EPHA6: variants seen among roughly 807,000 people sequenced by gnomAD.
The protein encoded by EPHA6 is ephrin type-A receptor 6.
A neutral mutation model predicts 112.0 loss-of-function variants in EPHA6; 50 were observed. The ratio of observed to expected loss-of-function variants is 0.45; its 90% CI spans 0.36 to 0.56. The LOEUF is 0.56. Ranked by LOEUF, EPHA6 falls within the 20% of genes least tolerant of loss-of-function variation. The probability of loss-of-function intolerance (pLI) is 0.00; values close to 1 mark genes in which losing one functional copy is unlikely to be tolerated. For missense variants in EPHA6, 1,280 were observed against 1,417.4 expected (o/e 0.90, Z 1.56); for synonymous variants, 529 against 490.7 (o/e 1.08, Z -1.03).
At position 97,754,982 on chromosome 3, in the gene EPHA6, C is replaced by T. The variant is rs1037996366; in HGVS notation, c.*6281C>T. On this transcript the variant is annotated 3_prime_UTR_variant, in exon 18 of 18. Coordinates refer to ENST00000389672, the MANE Select transcript of EPHA6 (RefSeq NM_001080448.3). ...CCTCCCAAAGTGGTGGGATTACAGG[C>T]GTGAGCCACCGCGCCCGGCCACAAA... Among the ~76,000 whole-genome samples, 1 of 152,204 alleles carries T rather than the reference C, an allele frequency of 6.6e-6. No individual in the cohort carries two copies. The highest frequency in any genetic ancestry group is 1.5e-5 in the Non-Finnish European group (1 of 68,038).
chr3:97,183,951 A>G (rs1481795117), intron 3 of EPHA6, among the ~76,000 whole-genome samples: 5 of 152,146 alleles, frequency 3.3e-5, no homozygotes, highest in Admixed American at 3.3e-4. Context: ...CTGATCTTCC[A>G]AAATAATAAT....
intron 14 of EPHA6, chr3:97,646,330 G>A (rs544688108): frequency 3.0e-5 from 44 of 1,475,676 alleles, no homozygotes; most frequent in East Asian, 1.3e-4. Context: ...TCAGAGCCCC[G>A]TTTAAAAATC....
chr3:97,323,007 G>A (rs1264447378), intron 5 of EPHA6, among the ~76,000 whole-genome samples: 1 of 152,030 alleles, frequency 6.6e-6, no homozygotes, highest in East Asian at 1.9e-4. Flanking sequence ...AGTTATTCAG[G>A]TGGATGACAA....
At chr3:97,568,239 A>C (rs189522505) in intron 11 of EPHA6, among the ~76,000 whole-genome samples, 92 of 152,338 alleles carry the variant, frequency 6.0e-4, no homozygotes, top group African/African-American at 2.1e-3. Flanking sequence ...ATGCTAAATA[A>C]ATTACATCAA....
intron 3 of EPHA6, among the ~76,000 whole-genome samples, chr3:97,071,875 G>T (rs375766887): frequency 2.0e-5 from 3 of 151,758 alleles, no homozygotes; most frequent in African/African-American, 4.8e-5. Context: ...CACCCGTCCC[G>T]CATTTTCCCC....
At chr3:97,342,479 T>G (rs1018815206) in intron 5 of EPHA6, among the ~76,000 whole-genome samples, 1 of 152,196 alleles carries the variant, frequency 6.6e-6, no homozygotes, top group African/African-American at 2.4e-5. Context: ...TTCCAGAAGG[T>G]CATACAAATA....
intron 2 of EPHA6, among the ~76,000 whole-genome samples, chr3:96,882,766 G>GTATA (rs755067801): frequency 7.1e-4 from 90 of 127,560 alleles, no homozygotes; most frequent in Non-Finnish European, 1.1e-3. Context: ...GTGTGTGTGT[G>GTATA]TGTATAGTCA....
At chr3:97,650,538 T>C (rs1337527956) in intron 14 of EPHA6, among the ~76,000 whole-genome samples, 1 of 151,984 alleles carries the variant, frequency 6.6e-6, no homozygotes, top group Non-Finnish European at 1.5e-5. Flanking sequence ...AAATGGTAGC[T>C]TCATCAAAAA....
chr3:97,484,992 G>T (rs1042250436), intron 10 of EPHA6, among the ~76,000 whole-genome samples: 1 of 152,238 alleles, frequency 6.6e-6, no homozygotes, highest in African/African-American at 2.4e-5. Context: ...AAACGGAATT[G>T]CCGACAGCTG....
chr3:97,036,289 T>G (rs1487959883), intron 3 of EPHA6, among the ~76,000 whole-genome samples: 1 of 152,034 alleles, frequency 6.6e-6, no homozygotes, highest in Non-Finnish European at 1.5e-5. Context: ...TCAATTCCTA[T>G]TTTATAGAAA....
intron 3 of EPHA6, among the ~76,000 whole-genome samples, chr3:97,077,762 A>T (rs532101333): frequency 2.6e-5 from 4 of 152,132 alleles, no homozygotes; most frequent in African/African-American, 9.6e-5. Flanking sequence ...CATGGTGTGT[A>T]TGTGCCACAT....
At chr3:97,071,818 A>G (rs2046367897) in intron 3 of EPHA6, among the ~76,000 whole-genome samples, 1 of 151,730 alleles carries the variant, frequency 6.6e-6, no homozygotes, top group Non-Finnish European at 1.5e-5. Flanking sequence ...TGGTGCACCG[A>G]TCACCCGAGC....
intron 11 of EPHA6, among the ~76,000 whole-genome samples, chr3:97,581,527 T>A (rs2093437681): frequency 6.6e-6 from 1 of 152,226 alleles, no homozygotes; most frequent in Non-Finnish European, 1.5e-5. Context: ...TACTGCAAGT[T>A]AAAAATGTGA....
intron 10 of EPHA6, among the ~76,000 whole-genome samples, chr3:97,518,279 A>T (rs927009331): frequency 6.6e-6 from 1 of 152,140 alleles, no homozygotes; most frequent in Non-Finnish European, 1.5e-5. Context: ...GACAATGGCC[A>T]TTATATCAGG....
At chr3:96,991,814 G>C (rs557165187) in intron 3 of EPHA6, among the ~76,000 whole-genome samples, 1 of 152,094 alleles carries the variant, frequency 6.6e-6, no homozygotes, top group Non-Finnish European at 1.5e-5. Context: ...ATAAGTTATG[G>C]TTCCTTACAC....
At chr3:97,160,414 T>C (rs1381760613) in intron 3 of EPHA6, among the ~76,000 whole-genome samples, 1 of 151,954 alleles carries the variant, frequency 6.6e-6, no homozygotes, top group Non-Finnish European at 1.5e-5. Context: ...GTAGCTGGGA[T>C]TACAGGTGCC....
intron 3 of EPHA6, among the ~76,000 whole-genome samples, chr3:97,168,543 C>T (rs1358402314): frequency 6.6e-6 from 1 of 151,936 alleles, no homozygotes; most frequent in African/African-American, 2.4e-5. Flanking sequence ...TTCTCTCTCT[C>T]TCTTTCTTTC....
chr3:96,936,800 C>T (rs1053207620), intron 2 of EPHA6, among the ~76,000 whole-genome samples: 1 of 152,098 alleles, frequency 6.6e-6, no homozygotes, highest in African/African-American at 2.4e-5. Flanking sequence ...TGATATTCCC[C>T]TTCCTGTGTC....
chr3:97,139,207 A>G (rs2075836239), intron 3 of EPHA6, among the ~76,000 whole-genome samples: 1 of 152,130 alleles, frequency 6.6e-6, no homozygotes, highest in African/African-American at 2.4e-5. Context: ...ATTACCAGGG[A>G]CACCCCAGAA....
Sources: gnomAD v4.1 joint callset for allele counts (sites outside exome capture counted in the v4.1 genomes callset) on GRCh38, gnomAD v4.1.1 for gene constraint, MANE v1.5 for transcripts, NCBI Gene and HGNC (gene_info 2026-07-23, HGNC 2026-07-21) for gene names.